Variants in LINGO2 observed in about 807,000 individuals in gnomAD.
LINGO2 encodes the protein leucine rich repeat and Ig domain containing 2.
Under a neutral mutation model 30.6 loss-of-function variants are expected in LINGO2, and 14 were observed. The ratio of observed to expected loss-of-function variants is 0.46; its 90% confidence interval spans 0.30 to 0.72. LINGO2 has a LOEUF of 0.72. Among genes scored for constraint, LINGO2 ranks in the 30% least tolerant of loss-of-function variants. LINGO2 has a pLI of 0.07. For missense variants in LINGO2, 729 were observed against 751.7 expected (o/e 0.97, Z 0.35); for synonymous variants, 317 against 288.5 (o/e 1.10, Z -1.00).
At chr9:28,030,615 G>A (rs1401188376) in intron 4 of LINGO2, among the ~76,000 whole-genome samples, 2 of 152,194 alleles carry the variant, frequency 1.3e-5, no homozygotes, top group Non-Finnish European at 2.9e-5. Context: ...TTAAGTGTCT[G>A]CTCCAGGACC....
At chr9:28,405,830 A>G (rs1242165686) in intron 2 of LINGO2, among the ~76,000 whole-genome samples, 1 of 152,050 alleles carries the variant, frequency 6.6e-6, no homozygotes, top group Non-Finnish European at 1.5e-5. Context: ...TGGTTTTTAT[A>G]TGACTCCGTT....
chr9:28,365,341 G>A (rs367742843), intron 3 of LINGO2, among the ~76,000 whole-genome samples: 18 of 152,160 alleles, frequency 1.2e-4, no homozygotes, highest in African/African-American at 4.1e-4. Context: ...TATGTGTCAT[G>A]CTAAAGAGCC....
chr9:29,060,073 A>T, the LINGO2 span, among the ~76,000 whole-genome samples: 1 of 152,104 alleles, frequency 6.6e-6, no homozygotes, highest in Non-Finnish European at 1.5e-5. Flanking sequence ...AACTTGGAGA[A>T]TGACTCACAA....
intron 5 of LINGO2, among the ~76,000 whole-genome samples, chr9:27,995,146 T>C (rs912067675): frequency 1.3e-5 from 2 of 151,872 alleles, no homozygotes; most frequent in African/African-American, 4.8e-5. Flanking sequence ...CTCGAAGAAA[T>C]GGATAAATTC....
chr9:28,714,376 T>C, the LINGO2 span, among the ~76,000 whole-genome samples: 2 of 151,836 alleles, frequency 1.3e-5, no homozygotes, highest in African/African-American at 2.4e-5. Context: ...TGCCAAGCAC[T>C]TTTCAGATCC....
the LINGO2 span, among the ~76,000 whole-genome samples, chr9:28,880,622 CA>C: frequency 6.6e-6 from 1 of 152,138 alleles, no homozygotes; most frequent in Non-Finnish European, 1.5e-5. Flanking sequence ...ACCTGACCGT[CA>C]CCCAGCCCAA....
the LINGO2 span, among the ~76,000 whole-genome samples, chr9:29,089,109 C>A: frequency 6.6e-6 from 1 of 151,816 alleles, no homozygotes; most frequent in African/African-American, 2.4e-5. Context: ...CAAAAGTATT[C>A]ATAAAGCAAT....
intron 4 of LINGO2, among the ~76,000 whole-genome samples, chr9:28,258,090 T>C (rs763794407): frequency 9.9e-5 from 15 of 151,950 alleles, no homozygotes; most frequent in Non-Finnish European, 2.1e-4. Flanking sequence ...TTAACCTCTT[T>C]GCTAATAAAT....
the LINGO2 span, among the ~76,000 whole-genome samples, chr9:29,042,147 C>G: frequency 3.3e-5 from 5 of 151,964 alleles, no homozygotes; most frequent in African/African-American, 1.2e-4. Flanking sequence ...TGTGACAACA[C>G]CAAATACTGG....
the LINGO2 span, among the ~76,000 whole-genome samples, chr9:29,191,250 G>A: frequency 6.6e-6 from 1 of 152,174 alleles, no homozygotes; most frequent in Admixed American, 6.5e-5. Flanking sequence ...TCTGTTAGGT[G>A]CATTTAAATG....
chr9:28,025,401 G>A lies in LINGO2; in HGVS notation c.-86-12996C>T, dbSNP rs576338776. Reference sequence around the variant, plus strand: ...TGAAAATACTATCTCTTTTGGCAGCGCTTGCAGGAACTAGCTACAATAAAC... The same window carrying A: ...TGAAAATACTATCTCTTTTGGCAGCACTTGCAGGAACTAGCTACAATAAAC... On this transcript the variant is annotated intron_variant, in intron 4 of 5. Coordinates refer to ENST00000379992, the Ensembl canonical transcript of LINGO2. Among the ~76,000 whole-genome samples the A allele has an allele frequency of 1.8e-4, 27 of 152,252 alleles. 1 individual carries two copies. The South Asian group carries it at 4.3e-3, about 25-fold the overall frequency.
At chr9:29,076,007 C>A in the LINGO2 span, among the ~76,000 whole-genome samples, 2 of 152,066 alleles carry the variant, frequency 1.3e-5, no homozygotes, top group South Asian at 2.1e-4. Context: ...CCCACCACAG[C>A]CTCTCTGTGC....
chr9:29,030,124 T>A, the LINGO2 span, among the ~76,000 whole-genome samples: 2 of 152,124 alleles, frequency 1.3e-5, no homozygotes, highest in Admixed American at 1.3e-4. Flanking sequence ...ATGTATTGAA[T>A]TGAGTCCTAT....
chr9:28,384,097 T>G (rs1821470632), intron 2 of LINGO2, among the ~76,000 whole-genome samples: 1 of 151,848 alleles, frequency 6.6e-6, no homozygotes, highest in Non-Finnish European at 1.5e-5. Context: ...ATTACTATAT[T>G]ACTGATCTCT....
chr9:28,117,330 C>A (rs1194061256), intron 4 of LINGO2, among the ~76,000 whole-genome samples: 3 of 144,644 alleles, frequency 2.1e-5, no homozygotes, highest in Non-Finnish European at 4.6e-5. Context: ...CAGACAGGGA[C>A]ATTTAAGTCT....
chr9:28,775,471 C>A, the LINGO2 span, among the ~76,000 whole-genome samples: 1 of 152,150 alleles, frequency 6.6e-6, no homozygotes, highest in Non-Finnish European at 1.5e-5. Flanking sequence ...CCAATGGCTT[C>A]TTTAAATACC....
At chr9:28,634,887 CT>C (rs1405278406) in intron 1 of LINGO2, among the ~76,000 whole-genome samples, 2 of 152,110 alleles carry the variant, frequency 1.3e-5, no homozygotes, top group Non-Finnish European at 2.9e-5. Context: ...CTTTTCAACC[CT>C]TTTGCCCCAA....
At chr9:28,693,020 A>T in the LINGO2 span, among the ~76,000 whole-genome samples, 3 of 152,042 alleles carry the variant, frequency 2.0e-5, no homozygotes, top group Non-Finnish European at 4.4e-5. Flanking sequence ...ATCTATGATG[A>T]AAAAAATTGT....
chr9:28,462,815 A>G (rs1825137163), intron 2 of LINGO2, among the ~76,000 whole-genome samples: 1 of 151,988 alleles, frequency 6.6e-6, no homozygotes, highest in African/African-American at 2.4e-5. Flanking sequence ...GTGAGTGGTA[A>G]TTAAGTTCTG....
Sources: allele counts gnomAD v4.1 joint callset (sites outside exome capture counted in the v4.1 genomes callset), GRCh38; gene constraint gnomAD v4.1.1; transcripts MANE v1.5; gene names NCBI Gene and HGNC (gene_info 2026-07-23, HGNC 2026-07-21).